Variants in KIN observed in about 807,000 individuals in gnomAD.
The protein encoded by KIN is Kin17 DNA and RNA binding protein.
Under a neutral mutation model 63.0 loss-of-function variants are expected in KIN, and 47 were observed. That is an observed-to-expected ratio of 0.75 (90% CI 0.59 to 0.95). KIN has a LOEUF of 0.95. Among genes scored for constraint, KIN ranks in the 40% least tolerant of loss-of-function variants. The pLI is 0.00. For missense variants in KIN, 408 were observed against 460.9 expected, an observed-to-expected ratio of 0.89 and a Z score of 1.05; for synonymous variants, 160 against 157.7, an observed-to-expected ratio of 1.01 and a Z score of -0.11.
At chr10:7,783,967 A>C (rs562089608) in intron 1 of KIN, among the ~76,000 whole-genome samples, 2 of 152,168 alleles carry the variant, frequency 1.3e-5, no homozygotes, top group Non-Finnish European at 2.9e-5. Flanking sequence ...TTTTGCTTCA[A>C]ATAGTTTCCT....
Position 7,756,062 on chromosome 10 carries a change from G to A in KIN, c.*18C>T, listed in dbSNP as rs756359813. On this transcript the variant is annotated 3_prime_UTR_variant, in exon 13 of 13. Coordinates refer to ENST00000379562, the MANE Select transcript of KIN (RefSeq NM_012311.4). ...TGATGCTTTAAGATTTTAATGTATT[G>A]TTAACAAATTTTCAAACTCAGGCAA... The A allele has an allele frequency of 4.7e-6, 7 of 1,489,968 alleles. No homozygotes were observed. The East Asian group carries it at 1.6e-4, about 34-fold the overall frequency. The allele number at this position is 1,489,968 out of a possible 1,614,324, so 92.3% of individuals were successfully genotyped here.
intron 1 of KIN, among the ~76,000 whole-genome samples, chr10:7,784,827 C>T (rs923634810): frequency 2.0e-5 from 3 of 152,138 alleles, no homozygotes; most frequent in Admixed American, 1.3e-4. Context: ...TACTCACTTG[C>T]TCTTACAAGG....
intron 10 of KIN, 64 bp from the exon 11 acceptor site, chr10:7,762,620 A>G (rs1423758328): frequency 1.2e-6 from 1 of 801,496 alleles, no homozygotes; most frequent in Non-Finnish European, 2.0e-6. Flanking sequence ...TAAAAGGTCA[A>G]AAGCAAATGA....
At chr10:7,772,516 C>T (rs1273584148) in intron 7 of KIN, among the ~76,000 whole-genome samples, 1 of 152,102 alleles carries the variant, frequency 6.6e-6, no homozygotes, top group Non-Finnish European at 1.5e-5. Flanking sequence ...CATTTTTGTG[C>T]CTCAACATAG....
intron 1 of KIN, among the ~76,000 whole-genome samples, chr10:7,786,121 T>C (rs1835998660): frequency 1.3e-5 from 2 of 152,196 alleles, no homozygotes; most frequent in South Asian, 4.1e-4. Flanking sequence ...TGCAGGATGT[T>C]GATGATGAGG....
Position 7,769,085 on chromosome 10 carries a change from T to TA in KIN, c.798+130dup, listed in dbSNP as rs577246060. 42 of 746,610 alleles carry TA rather than the reference T, an allele frequency of 5.6e-5. No individual in the cohort carries two copies. The South Asian group carries it at 8.5e-4, about 15-fold the overall frequency. The allele number at this position is 746,610 out of a possible 1,614,324, so 46.2% of individuals were successfully genotyped here. ...GCTCCAACTCCAGTTCGGGGAACTG[T>TA]ATGTAGCTAGGTCACTATTCCCTAG... On this transcript the variant is annotated intron_variant, in intron 8 of 12. Transcript: ENST00000379562.
chr10:7,784,333 A>G (rs946575627), intron 1 of KIN, among the ~76,000 whole-genome samples: 1 of 152,242 alleles, frequency 6.6e-6, no homozygotes, highest in African/African-American at 2.4e-5. Flanking sequence ...CTGTAATCCC[A>G]GCACTTTGGG....
intron 5 of KIN, 36 bp downstream of exon 5, chr10:7,778,802 T>C: frequency 1.3e-6 from 2 of 1,599,944 alleles, no homozygotes; most frequent in Non-Finnish European, 1.7e-6. Flanking sequence ...TTTAGACCTC[T>C]GGACGTTGCT....
intron 1 of KIN, 133 bp downstream of exon 1, chr10:7,787,687 C>T: frequency 2.8e-6 from 2 of 706,626 alleles, no homozygotes; most frequent in Non-Finnish European, 5.0e-6. Flanking sequence ...GACTCGCCCA[C>T]TGCAGACCTC....
At chr10:7,780,021 G>C (rs757654133) in intron 4 of KIN, 35 bp downstream of exon 4, 1 of 1,596,274 alleles carries the variant, frequency 6.3e-7, no homozygotes, top group Admixed American at 1.7e-5. Context: ...ATTAGAAGTG[G>C]GAAAGAAAAA....
In KIN at chr10:7,778,443, T is replaced by G. The variant is rs561210715; in HGVS notation, c.558+395A>C. On this transcript the variant is annotated intron_variant, in intron 5 of 12. Coordinates refer to ENST00000379562, the MANE Select transcript of KIN (RefSeq NM_012311.4). ...GTGCCCACAGAACTTGATTCAACGC[T>G]GAAAAGACACAAGCTGGCTGGGCAC... is the stretch of plus-strand genomic sequence containing the variant. Among the ~76,000 whole-genome samples the G allele has an allele frequency of 1.1e-4, 16 of 152,178 alleles. 1 individual carries two copies. The South Asian group carries it at 3.3e-3, about 32-fold the overall frequency.
chr10:7,761,182 C>T (rs1054900993), intron 11 of KIN: 1 of 151,992 alleles, frequency 6.6e-6, no homozygotes, highest in Non-Finnish European at 1.5e-5. Flanking sequence ...TTGAAACTTA[C>T]CAAATTGTAT....
chr10:7,781,587 T>TACACACACACACACAC (rs3036327), intron 2 of KIN, among the ~76,000 whole-genome samples: 51 of 140,718 alleles, frequency 3.6e-4, no homozygotes, highest in Admixed American at 1.3e-3. Context: ...ACCCTGTCTC[T>TACACACACACACACAC]ACACACACAC....
intron 7 of KIN, among the ~76,000 whole-genome samples, chr10:7,770,577 TAGGG>T (rs140737823): frequency 0.024 from 3,701 of 152,294 alleles, 170 homozygotes; most frequent in African/African-American, 0.084. Context: ...TCTCTTGTAG[TAGGG>T]AGGAAGCATC....
chr10:7,787,510 TC>T (rs1396587254), intron 1 of KIN, among the ~76,000 whole-genome samples: 2 of 152,188 alleles, frequency 1.3e-5, no homozygotes, highest in Non-Finnish European at 2.9e-5. Context: ...TGCCCGGGCG[TC>T]TAGTATTGCA....
chr10:7,768,804 G>A (rs1835605619), intron 8 of KIN, among the ~76,000 whole-genome samples: 1 of 151,912 alleles, frequency 6.6e-6, no homozygotes, highest in African/African-American at 2.4e-5. Context: ...ATGACTTGAG[G>A]TCAGGAGTTT....
chr10:7,764,911 G>A (rs1835510995), intron 9 of KIN, among the ~76,000 whole-genome samples: 1 of 152,048 alleles, frequency 6.6e-6, no homozygotes, highest in Non-Finnish European at 1.5e-5. Flanking sequence ...TGTAATCCCA[G>A]CACTTTGGGA....
At chr10:7,765,268 G>A (rs1170718556) in intron 9 of KIN, among the ~76,000 whole-genome samples, 1 of 151,850 alleles carries the variant, frequency 6.6e-6, no homozygotes, top group Non-Finnish European at 1.5e-5. Flanking sequence ...TGACCAGCCT[G>A]GGCAAAAGAG....
At chr10:7,769,597 C>G (rs1301090776) in intron 7 of KIN, among the ~76,000 whole-genome samples, 4 of 152,126 alleles carry the variant, frequency 2.6e-5, no homozygotes, top group Non-Finnish European at 5.9e-5. Flanking sequence ...CTTTAACTCT[C>G]TGTACCTTCT....
Sources: gnomAD v4.1 joint callset for allele counts (sites outside exome capture counted in the v4.1 genomes callset) on GRCh38, gnomAD v4.1.1 for gene constraint, MANE v1.5 for transcripts, NCBI Gene and HGNC (gene_info 2026-07-23, HGNC 2026-07-21) for gene names.